Variants in CDK5RAP2 observed in about 807,000 individuals in gnomAD.
CDK5RAP2 encodes CDK5 regulatory subunit-associated protein 2.
In CDK5RAP2, 147 loss-of-function variants were observed where a neutral mutation model predicts 232.9. That is an observed-to-expected ratio of 0.63 (90% CI 0.55 to 0.72). CDK5RAP2 has a LOEUF of 0.72. CDK5RAP2 is among the 30% of genes least tolerant of loss of function. The pLI is 0.00. For missense variants in CDK5RAP2, 2,195 were observed against 2,231.5 expected (o/e 0.98, Z 0.33); for synonymous variants, 833 against 833.7 (o/e 1.00, Z 0.01).
intron 20 of CDK5RAP2, among the ~76,000 whole-genome samples, chr9:120,455,771 C>T (rs1014254021): frequency 6.6e-6 from 1 of 151,890 alleles, no homozygotes; most frequent in African/African-American, 2.4e-5. Context: ...GTGACTCTGG[C>T]TGCTGCTGCA....
At chr9:120,512,274 G>A (rs2040129869) in intron 12 of CDK5RAP2, among the ~76,000 whole-genome samples, 3 of 152,196 alleles carry the variant, frequency 2.0e-5, no homozygotes, top group Admixed American at 1.3e-4. Flanking sequence ...ACTTGAGCCT[G>A]AAGGTTTAAG....
At chr9:120,458,268 C>T (rs1239949763) in intron 20 of CDK5RAP2, among the ~76,000 whole-genome samples, 182 bp downstream of exon 20, 1 of 152,200 alleles carries the variant, frequency 6.6e-6, no homozygotes, top group Admixed American at 6.5e-5. Context: ...CTGACGTCCC[C>T]TCACAGCCAC....
chr9:120,516,878 C>G (rs2040364714), intron 12 of CDK5RAP2, among the ~76,000 whole-genome samples: 2 of 152,200 alleles, frequency 1.3e-5, no homozygotes, highest in Admixed American at 6.5e-5. Context: ...ACCCAGTAAT[C>G]TCACTCCTCA....
At chr9:120,546,960 C>CA (rs527380580) in intron 4 of CDK5RAP2, among the ~76,000 whole-genome samples, 115 of 149,810 alleles carry the variant, frequency 7.7e-4, no homozygotes, top group Middle Eastern at 6.8e-3. Context: ...TATTCTACTC[C>CA]ATAATACATG....
At position 120,491,482 on chromosome 9, in the gene CDK5RAP2, C is replaced by A; in HGVS notation, c.1312-5G>T. The stretch of plus-strand genomic sequence containing the variant: ...TTCAACTTCATTTCTAAGATCCTAC[C>A]AGAAGAAAATGAAAAAATGGAATTT... On this transcript the variant is annotated splice_region_variant and splice_polypyrimidine_tract_variant and intron_variant, in intron 12 of 37. Transcript: ENST00000349780. 6.2e-7 allele frequency: 1 copy of A among 1,604,442 alleles called. No homozygotes were observed. The highest frequency in any genetic ancestry group is 8.5e-7 in the Non-Finnish European group (1 of 1,174,294).
At chr9:120,572,117 C>A (rs1057390948) in intron 1 of CDK5RAP2, 76 bp from the exon 2 acceptor site, 5 of 1,113,752 alleles carry the variant, frequency 4.5e-6, no homozygotes, top group Admixed American at 1.7e-5. Context: ...CTGGACTGCA[C>A]ATGACAATCA....
intron 5 of CDK5RAP2, among the ~76,000 whole-genome samples, chr9:120,545,489 C>T (rs1214482877): frequency 6.6e-6 from 1 of 152,184 alleles, no homozygotes; most frequent in Non-Finnish European, 1.5e-5. Context: ...GGTGTGTTTG[C>T]TTGTGAACAT....
At chr9:120,528,661 AAT>A (rs1220236787) in intron 9 of CDK5RAP2, 81 bp downstream of exon 9, 6 of 857,268 alleles carry the variant, frequency 7.0e-6, no homozygotes, top group Non-Finnish European at 1.2e-5. Context: ...TGTGACACAG[AAT>A]TATCTGCTGC....
chr9:120,419,920 C>T lies in CDK5RAP2; in HGVS notation c.4045G>A (p.Glu1349Lys), dbSNP rs372333297. The T allele has an allele frequency of 1.4e-5, 22 of 1,613,970 alleles. No homozygotes were observed. The highest frequency in any genetic ancestry group is 1.9e-5 in the Non-Finnish European group (22 of 1,179,942). The change falls in exon 27 of 38, where the codon GAA becomes AAA. Residue 1349 changes from glutamate (E) to lysine (K), a missense_variant. Coordinates refer to ENST00000349780, the MANE Select transcript of CDK5RAP2 (RefSeq NM_018249.6). Reference protein sequence around the residue: ...DNLTYQHLLPESPEPSASHAL... With the variant: ...DNLTYQHLLPKSPEPSASHAL... ...TGAGAGGCTGAAGGCTCAGGAGATT[C>T]AGGCAGAAGATGTTGGTAGGTTAAG...
chr9:120,573,107 T>C (rs2042912264), intron 1 of CDK5RAP2, among the ~76,000 whole-genome samples: 1 of 152,238 alleles, frequency 6.6e-6, no homozygotes, highest in African/African-American at 2.4e-5. Context: ...ATTTGCTCTT[T>C]CCATGCCTCT....
chr9:120,530,113 CAA>C lies in CDK5RAP2; in HGVS notation c.688_689del (p.Leu230GlufsTer11). On this transcript the variant is annotated frameshift_variant, in exon 8 of 38. Coordinates refer to ENST00000349780, the MANE Select transcript of CDK5RAP2 (RefSeq NM_018249.6). LOFTEE classifies it high-confidence loss of function. ...DRLIEELKLS[L>X]KSKEALIQCL... is the part of the protein sequence containing the mutation. ...ACTGAATTAAAGCTTCTTTGCTCTT[CAA>C]AGACAGCTTCAACTCCTCAATCAGT... 1.2e-6 allele frequency: 2 copies of C among 1,613,680 alleles called. No homozygotes were observed. Among genetic ancestry groups the C allele is most frequent in the Non-Finnish European group, 1.7e-6 (2 of 1,179,804 alleles).
At chr9:120,573,196 A>T (rs930231533) in intron 1 of CDK5RAP2, among the ~76,000 whole-genome samples, 1 of 152,216 alleles carries the variant, frequency 6.6e-6, no homozygotes, top group African/African-American at 2.4e-5. Context: ...TTCAAGATCA[A>T]AAACAGGCAA....
At chr9:120,579,286 G>T (rs1204536915) in intron 1 of CDK5RAP2, among the ~76,000 whole-genome samples, 3 of 152,214 alleles carry the variant, frequency 2.0e-5, no homozygotes, top group Non-Finnish European at 4.4e-5. Flanking sequence ...CCAAGCAAAT[G>T]GCTCGACAGG....
At chr9:120,525,411 G>T (rs1315154577) in intron 10 of CDK5RAP2, among the ~76,000 whole-genome samples, 1 of 152,126 alleles carries the variant, frequency 6.6e-6, no homozygotes, top group Non-Finnish European at 1.5e-5. Flanking sequence ...CCATATAGAT[G>T]ACCTACCCAA....
rs766788348 is a variant in CDK5RAP2 at position 120,408,364 on chromosome 9, T to C, written c.4709A>G (p.Glu1570Gly). The change falls in exon 31 of 38, where the codon GAG (glutamate) becomes GGG (glycine). Residue 1570 changes from glutamate to glycine, a missense_variant. By Grantham distance (98) the Glu-to-Gly change is moderately conservative. Transcript: ENST00000349780. The part of the protein sequence containing the change: ...ELKAYEKLDE[E>G]HRRLREASGE... ...CTCAGTACCTCTCAGTCTCCTGTGCTCTTCATCCAGCTTCTCATACGCCTT... is the reference window on the plus strand; with the variant it reads ...CTCAGTACCTCTCAGTCTCCTGTGCCCTTCATCCAGCTTCTCATACGCCTT... 7 of 1,614,092 alleles carry C rather than the reference T, an allele frequency of 4.3e-6. No individual in the cohort carries two copies. The East Asian group carries it at 1.6e-4, about 36-fold the overall frequency.
intron 23 of CDK5RAP2, among the ~76,000 whole-genome samples, chr9:120,443,399 G>A (rs2036006410): frequency 6.6e-6 from 1 of 152,196 alleles, no homozygotes; most frequent in Non-Finnish European, 1.5e-5. Flanking sequence ...TGGACGGGTG[G>A]GTTCTGACAT....
intron 4 of CDK5RAP2, among the ~76,000 whole-genome samples, chr9:120,547,699 T>C (rs1465373953): frequency 1.3e-5 from 2 of 152,094 alleles, no homozygotes; most frequent in East Asian, 1.9e-4. Context: ...GTACTTCACG[T>C]TGAGAAGTAC....
intron 26 of CDK5RAP2, 75 bp from the exon 27 acceptor site, chr9:120,420,035 T>C (rs1282629275): frequency 8.5e-7 from 1 of 1,174,686 alleles, no homozygotes; most frequent in Non-Finnish European, 1.3e-6. Context: ...TTACGAATAC[T>C]TACGATTACT....
At chr9:120,448,272 C>T in intron 21 of CDK5RAP2, 146 bp from the exon 22 acceptor site, 1 of 706,548 alleles carries the variant, frequency 1.4e-6, no homozygotes, top group Non-Finnish European at 2.5e-6. Flanking sequence ...TATGCTTATC[C>T]ACCAGCCAAG....
Sources: gnomAD v4.1 joint callset for allele counts (sites outside exome capture counted in the v4.1 genomes callset) on GRCh38, gnomAD v4.1.1 for gene constraint, MANE v1.5 for transcripts, NCBI Gene and HGNC (gene_info 2026-07-23, HGNC 2026-07-21) for gene names.